The following ST14 variants were observed in gnomAD, a reference collection of about 807,000 sequenced individuals.
The protein encoded by ST14 is suppressor of tumorigenicity 14 protein.
ST14 carries 40 observed loss-of-function variants against 96.5 expected under a neutral mutation model. The observed-to-expected ratio is 0.41, with a 90% CI of 0.32 to 0.54. The LOEUF (loss-of-function observed/expected upper bound fraction) is 0.54. ST14 is among the 20% of genes least tolerant of loss of function. The probability of loss-of-function intolerance (pLI) is 0.17; values close to 1 mark genes in which losing one functional copy is unlikely to be tolerated. For missense variants in ST14, 1,066 were observed against 1,188.9 expected (o/e 0.90, Z 1.52); for synonymous variants, 506 against 492.1 (o/e 1.03, Z -0.37).
rs1474851664 is a variant in ST14 at position 130,194,747 on chromosome 11, A to G, written c.1113+10A>G. ...CACATGGAACATTGAGGTAGGAGCT[A>G]TGGGGCGTGTGAACGTGTGTGTGTG... On this transcript the variant is annotated intron_variant, in intron 9 of 18. Transcript: ENST00000278742. The G allele has an allele frequency of 1.9e-6, 3 of 1,613,786 alleles. No homozygotes were observed. Among genetic ancestry groups the G allele is most frequent in the Admixed American group, 1.7e-5 (1 of 60,014 alleles).
intron 1 of ST14, among the ~76,000 whole-genome samples, chr11:130,168,759 T>A (rs751552646): frequency 1.3e-5 from 2 of 152,082 alleles, no homozygotes; most frequent in African/African-American, 2.4e-5. Context: ...CCTGGTGCCC[T>A]CCCCTGGGGG....
At position 130,198,593 on chromosome 11, in the gene ST14, C is replaced by T. The variant is rs369823927; in HGVS notation, c.1656C>T (p.Asp552=). 2.7e-5 allele frequency: 43 copies of T among 1,613,962 alleles called. No individual in the cohort carries two copies. The South Asian group carries it at 2.9e-4, about 11-fold the overall frequency. The change falls in exon 14 of 19, where the codon GAC becomes GAT. Residue 552 remains aspartate, a synonymous_variant. Transcript: ENST00000278742. ...QQCNGKDDCG[D]GSDEASCPKV... is the part of the protein sequence containing the mutation. Reference sequence around the variant, plus strand: ...GCAATGGGAAGGACGACTGTGGGGACGGGTCCGACGAGGCCTCCTGCCCCA... The same window carrying T: ...GCAATGGGAAGGACGACTGTGGGGATGGGTCCGACGAGGCCTCCTGCCCCA...
intron 1 of ST14, among the ~76,000 whole-genome samples, chr11:130,179,584 G>T (rs1953172177): frequency 6.6e-6 from 1 of 152,184 alleles, no homozygotes; most frequent in African/African-American, 2.4e-5. Context: ...CGCCTGCTCT[G>T]TGCACAGCTG....
chr11:130,196,483 AT>A (rs779132186), intron 10 of ST14, 35 bp downstream of exon 10: 1 of 1,589,500 alleles, frequency 6.3e-7, no homozygotes, highest in Non-Finnish European at 8.6e-7. Flanking sequence ...TGCCGGGCCC[AT>A]GCTGCAGGGG....
intron 16 of ST14, among the ~76,000 whole-genome samples, chr11:130,202,672 A>G (rs1028292536): frequency 6.6e-6 from 1 of 152,172 alleles, no homozygotes; most frequent in Admixed American, 6.5e-5. Context: ...TGGCTAAGTC[A>G]TCATGCATTC....
At chr11:130,182,336 G>A (rs1187561799) in intron 1 of ST14, among the ~76,000 whole-genome samples, 1 of 147,672 alleles carries the variant, frequency 6.8e-6, no homozygotes, top group Non-Finnish European at 1.5e-5. Flanking sequence ...TTTTTTTTGA[G>A]ATGAGGTTTT....
intron 1 of ST14, among the ~76,000 whole-genome samples, chr11:130,176,638 T>C (rs1298536958): frequency 6.6e-6 from 1 of 152,056 alleles, no homozygotes; most frequent in Non-Finnish European, 1.5e-5. Context: ...TCCGCCTGCC[T>C]CGGCCTCCCA....
intron 16 of ST14, 32 bp downstream of exon 16, chr11:130,200,169 C>G: frequency 6.2e-7 from 1 of 1,611,142 alleles, no homozygotes; most frequent in Non-Finnish European, 8.5e-7. Flanking sequence ...AGGGAGCCTC[C>G]TTGCTGGCCC....
intron 1 of ST14, among the ~76,000 whole-genome samples, chr11:130,166,743 T>A (rs1198876681): frequency 2.0e-5 from 3 of 152,216 alleles, no homozygotes; most frequent in Non-Finnish European, 4.4e-5. Context: ...GACCCAGAGT[T>A]CTGAGTTGAC....
At chr11:130,189,019 A>G in intron 4 of ST14, 80 bp downstream of exon 4, 1 of 1,460,478 alleles carries the variant, frequency 6.8e-7, no homozygotes, top group Non-Finnish European at 9.4e-7. Context: ...GTGGGGCAGG[A>G]AGCGGGAGAT....
chr11:130,197,768 G>A lies in ST14; in HGVS notation c.1355-73G>A, dbSNP rs1305859865. 36 of 1,341,960 alleles carry A rather than the reference G, an allele frequency of 2.7e-5. No individual in the cohort carries two copies. In the Middle Eastern group the frequency reaches 1.2e-3, roughly 44 times the overall value. The allele number at this position is 1,341,960 out of a possible 1,614,324, so 83.1% of individuals were successfully genotyped here. Reference sequence around the variant, plus strand: ...GTGTTTGTGGCTGGGAGGTTGGCCCGAGGGAGGGAGCCGGGAGCCAGCGGA... The same window carrying A: ...GTGTTTGTGGCTGGGAGGTTGGCCCAAGGGAGGGAGCCGGGAGCCAGCGGA... On this transcript the variant is annotated intron_variant, in intron 11 of 18. Transcript: ENST00000278742.
rs1011753975 is a variant in ST14 at position 130,190,537 on chromosome 11, G to A, written c.718G>A (p.Ala240Thr). 8 of 1,611,188 alleles carry A rather than the reference G, an allele frequency of 5.0e-6. No individual in the cohort carries two copies. The East Asian group carries it at 6.7e-5, about 13-fold the overall frequency. The change falls in exon 7 of 19, where the codon GCT (alanine) becomes ACT (threonine). Residue 240 changes from alanine to threonine, a missense_variant. Ala to Thr is a moderately conservative substitution (Grantham distance 58). Transcript: ENST00000278742. ...TPGFPDSPYP[A>T]HARCQWALRG... ...CGGCTTCCCTGACAGCCCCTACCCC[G>A]CTCATGCCCGCTGCCAGTGGGCCCT...
In ST14 at chr11:130,196,428, C is replaced by T. The variant is rs141928818; in HGVS notation, c.1203C>T (p.Tyr401=). The T allele has an allele frequency of 2.0e-5, 32 of 1,609,994 alleles. No homozygotes were observed. In the African/African-American group the frequency reaches 2.4e-4, roughly 12 times the overall value. The change falls in exon 10 of 19, where the codon TAC becomes TAT. Residue 401 remains tyrosine, a synonymous_variant. Coordinates refer to ENST00000278742, the MANE Select transcript of ST14 (RefSeq NM_021978.4). ...GVPAGTCPKD[Y]VEINGEKYCG... Reference sequence around the variant, plus strand: ...CTGCGGGCACCTGCCCCAAGGACTACGTGGAGATCAACGGGGAGAAGTGAG... The same window carrying T: ...CTGCGGGCACCTGCCCCAAGGACTATGTGGAGATCAACGGGGAGAAGTGAG...
intron 1 of ST14, among the ~76,000 whole-genome samples, chr11:130,170,528 G>C (rs1276755900): frequency 1.3e-5 from 2 of 152,174 alleles, no homozygotes; most frequent in Non-Finnish European, 2.9e-5. Context: ...AGAAAGTACG[G>C]TGGCTTGTTG....
chr11:130,190,581 A>G lies in ST14; in HGVS notation c.762A>G (p.Ser254=), dbSNP rs1158270055. 2 of 1,612,974 alleles carry G rather than the reference A, an allele frequency of 1.2e-6. No homozygotes were observed. Among genetic ancestry groups the G allele is most frequent in the Admixed American group, 1.7e-5 (1 of 60,012 alleles). The change falls in exon 7 of 19, where the codon TCA becomes TCG. Residue 254 remains serine, a synonymous_variant. Transcript: ENST00000278742. ...CQWALRGDAD[S]VLSLTFRSFD... ...GGGCCCTGCGGGGGGACGCCGACTCAGTGCTGAGCCTCACCTTCCGCAGCT... is the reference window on the plus strand; with the variant it reads ...GGGCCCTGCGGGGGGACGCCGACTCGGTGCTGAGCCTCACCTTCCGCAGCT...
rs1339018221 is a variant in ST14 at position 130,209,423 on chromosome 11, C to A, written c.2270-19C>A. 1.3e-6 allele frequency: 2 copies of A among 1,570,890 alleles called. No individual in the cohort carries two copies. The highest frequency in any genetic ancestry group is 2.7e-5 in the African/African-American group (2 of 74,216). On this transcript the variant is annotated intron_variant, in intron 17 of 18. Coordinates refer to ENST00000278742, the MANE Select transcript of ST14 (RefSeq NM_021978.4). Reference sequence around the variant, plus strand: ...CTCGAAGCAGCCCGGCTCTCAGCCCCGTCCTGCCCTCTCCCCAGGCACTGG... The same window carrying A: ...CTCGAAGCAGCCCGGCTCTCAGCCCAGTCCTGCCCTCTCCCCAGGCACTGG...
intron 4 of ST14, 146 bp downstream of exon 4, chr11:130,189,085 T>C (rs1466882624): frequency 1.1e-6 from 1 of 871,380 alleles, no homozygotes; most frequent in Non-Finnish European, 1.9e-6. Context: ...TGTCCTCCTG[T>C]GCGTTACTTG....
At chr11:130,168,237 A>C (rs1591876796) in intron 1 of ST14, among the ~76,000 whole-genome samples, 1 of 152,242 alleles carries the variant, frequency 6.6e-6, no homozygotes, top group Non-Finnish European at 1.5e-5. Context: ...ATTGGCAAGC[A>C]GACCCTGTGG....
rs573788137 is a variant in ST14 at position 130,191,399 on chromosome 11, C to G, written c.875+705C>G. 3.2e-4 allele frequency among the ~76,000 whole-genome samples: 48 copies of G among 152,154 alleles called. 1 individual carries two copies. In the South Asian group the frequency reaches 8.5e-3, roughly 27 times the overall value. ...AATGAGGGGAAAATGTAAGCAAGAG[C>G]CTTTTATGGGCCGGGCATGGTGGCT... On this transcript the variant is annotated intron_variant, in intron 7 of 18. Coordinates refer to ENST00000278742, the MANE Select transcript of ST14 (RefSeq NM_021978.4).
Sources: allele counts gnomAD v4.1 joint callset (sites outside exome capture counted in the v4.1 genomes callset), GRCh38; gene constraint gnomAD v4.1.1; transcripts MANE v1.5; gene names NCBI Gene and HGNC (gene_info 2026-07-23, HGNC 2026-07-21).